Variants in FAT3 observed in about 807,000 individuals in gnomAD.
FAT3 encodes FAT atypical cadherin 3, also known as protocadherin Fat 3.
FAT3 carries 95 observed loss-of-function variants against 310.2 expected under a neutral mutation model. The observed-to-expected ratio is 0.31, with a 90% CI of 0.26 to 0.36. The LOEUF (loss-of-function observed/expected upper bound fraction) is 0.36. Among genes scored for constraint, FAT3 ranks in the 10% least tolerant of loss-of-function variants. The pLI is 1.00. For missense variants in FAT3, 5,408 were observed against 5,715.6 expected (o/e 0.95, Z 1.74); for synonymous variants, 2,314 against 2,192.9 (o/e 1.06, Z -1.54).
At chr11:92,696,977 G>A (rs1943960094) in intron 3 of FAT3, among the ~76,000 whole-genome samples, 1 of 152,196 alleles carries the variant, frequency 6.6e-6, no homozygotes, top group South Asian at 2.1e-4. Context: ...AAGTAAGAAA[G>A]TACTGTTTCA....
At chr11:92,791,084 A>T (rs1290689591) in intron 8 of FAT3, among the ~76,000 whole-genome samples, 2 of 152,158 alleles carry the variant, frequency 1.3e-5, no homozygotes, top group African/African-American at 4.8e-5. Context: ...TAAGACTAGA[A>T]ACCTTCCCCA....
chr11:92,586,934 G>C (rs374892281), intron 3 of FAT3, among the ~76,000 whole-genome samples: 1 of 151,970 alleles, frequency 6.6e-6, no homozygotes, highest in South Asian at 2.1e-4. Flanking sequence ...TAAGGGAAAG[G>C]TGCTTTTCTT....
chr11:92,562,164 C>T (rs893413594), intron 3 of FAT3, among the ~76,000 whole-genome samples: 1 of 152,134 alleles, frequency 6.6e-6, no homozygotes, highest in Non-Finnish European at 1.5e-5. Context: ...CAGTAACAAA[C>T]ATTCAGTTTT....
At chr11:92,474,214 C>T (rs1418989870) in intron 2 of FAT3, among the ~76,000 whole-genome samples, 1 of 152,134 alleles carries the variant, frequency 6.6e-6, no homozygotes, top group Non-Finnish European at 1.5e-5. Context: ...GCTCCTAGAC[C>T]AGCTAATAAG....
intron 3 of FAT3, among the ~76,000 whole-genome samples, chr11:92,564,485 G>C (rs1222274562): frequency 6.6e-6 from 1 of 151,176 alleles, no homozygotes; most frequent in Non-Finnish European, 1.5e-5. Context: ...CAACGAGACA[G>C]AAAGTCAACA....
intron 3 of FAT3, among the ~76,000 whole-genome samples, chr11:92,562,645 G>A (rs1184687898): frequency 1.3e-5 from 2 of 152,318 alleles, no homozygotes; most frequent in Admixed American, 6.5e-5. Flanking sequence ...GTGCAATTCA[G>A]TTAGAGTCAG....
At chr11:92,344,781 C>T (rs751475142) in intron 1 of FAT3, among the ~76,000 whole-genome samples, 1 of 152,048 alleles carries the variant, frequency 6.6e-6, no homozygotes, top group Non-Finnish European at 1.5e-5. Flanking sequence ...AAAACATAAA[C>T]GGTAACACAT....
At position 92,889,197 on chromosome 11, in the gene FAT3, G is replaced by A. The variant is rs1362941461; in HGVS notation, c.13060G>A (p.Val4354Met). The change falls in exon 26 of 28, where the codon GTG (valine) becomes ATG (methionine). Residue 4354 changes from valine (V) to methionine (M), a missense_variant. Val to Met is a conservative substitution (Grantham distance 21). Transcript: ENST00000525166. ...SDSGDDNASI[V>M]TVIQLVNNVV... ...CTTTTCCTGACCACAAGCCTCCATA[G>A]TGACTGTCATTCAGCTTGTCAACAA... 1.4e-6 allele frequency: 1 copy of A among 713,658 alleles called. No individual in the cohort carries two copies. The highest frequency in any genetic ancestry group is 2.6e-6 in the Non-Finnish European group (1 of 383,444). The allele number at this position is 713,658 out of a possible 1,614,324, so 44.2% of individuals were successfully genotyped here.
chr11:92,843,278 T>G (rs1565642585), intron 18 of FAT3, among the ~76,000 whole-genome samples: 1 of 152,166 alleles, frequency 6.6e-6, no homozygotes, highest in African/African-American at 2.4e-5. Flanking sequence ...CCCATGGGAA[T>G]CTGCCCTTCT....
At chr11:92,807,482 C>T (rs1256460044) in intron 12 of FAT3, among the ~76,000 whole-genome samples, 1 of 152,140 alleles carries the variant, frequency 6.6e-6, no homozygotes, top group African/African-American at 2.4e-5. Flanking sequence ...TTATTAGCAT[C>T]AAGTAAGCGG....
At chr11:92,550,392 T>A (rs1954768955) in intron 3 of FAT3, among the ~76,000 whole-genome samples, 1 of 152,232 alleles carries the variant, frequency 6.6e-6, no homozygotes, top group Non-Finnish European at 1.5e-5. Flanking sequence ...TGTAATTTAT[T>A]TTGCAGAGGA....
chr11:92,259,956 C>G (rs1865476054), intron 1 of FAT3, among the ~76,000 whole-genome samples: 1 of 152,116 alleles, frequency 6.6e-6, no homozygotes, highest in Admixed American at 6.6e-5. Context: ...AGTTTGCCCT[C>G]AAGTCTTTCA....
chr11:92,731,448 A>C (rs1415804863), intron 4 of FAT3, among the ~76,000 whole-genome samples: 1 of 152,134 alleles, frequency 6.6e-6, no homozygotes, highest in African/African-American at 2.4e-5. Context: ...CTAGATCAAC[A>C]CCACCCATCT....
At chr11:92,864,975 G>A (rs777082111) in intron 21 of FAT3, among the ~76,000 whole-genome samples, 1 of 152,220 alleles carries the variant, frequency 6.6e-6, no homozygotes, top group Non-Finnish European at 1.5e-5. Flanking sequence ...GGACAGAGTA[G>A]CCTTGTAAAA....
chr11:92,661,337 A>G (rs1397095549), intron 3 of FAT3, among the ~76,000 whole-genome samples: 1 of 152,228 alleles, frequency 6.6e-6, no homozygotes, highest in East Asian at 1.9e-4. Context: ...AGCCGACAGA[A>G]AGGTGTGTGG....
rs753374509 is a variant in FAT3 at position 92,799,431 on chromosome 11, A to G, written c.6418A>G (p.Ile2140Val). The G allele has an allele frequency of 1.2e-6, 2 of 1,613,618 alleles. No homozygotes were observed. Among genetic ancestry groups the G allele is most frequent in the Admixed American group, 3.3e-5 (2 of 59,988 alleles). Residue 2140 changes from isoleucine to valine, a missense_variant, in exon 10 of 28, where the codon ATT becomes GTT. Coordinates refer to ENST00000525166, the MANE Select transcript of FAT3 (RefSeq NM_001367949.2). ...FEINPNSGNV[I>V]LKEAFNSDLS... The stretch of plus-strand genomic sequence containing the variant: ...AATTAACCCTAATTCAGGGAATGTT[A>G]TTTTAAAGGAAGCATTCAACTCTGA...
intron 2 of FAT3, among the ~76,000 whole-genome samples, chr11:92,421,369 GA>G (rs1243927395): frequency 2.0e-5 from 3 of 152,276 alleles, no homozygotes; most frequent in African/African-American, 7.2e-5. Flanking sequence ...AATTAGAGAA[GA>G]TGTCTGGTTC....
chr11:92,751,935 A>G (rs1293940651), intron 4 of FAT3, among the ~76,000 whole-genome samples: 1 of 152,098 alleles, frequency 6.6e-6, no homozygotes, highest in Non-Finnish European at 1.5e-5. Context: ...AGAAATGGCA[A>G]TGCCTACAGG....
At chr11:92,518,568 G>A (rs1953572906) in intron 2 of FAT3, among the ~76,000 whole-genome samples, 2 of 151,844 alleles carry the variant, frequency 1.3e-5, no homozygotes, top group Non-Finnish European at 2.9e-5. Context: ...GTAGATGACA[G>A]GTTAATGGGT....
Sources: allele counts gnomAD v4.1 joint callset (sites outside exome capture counted in the v4.1 genomes callset), GRCh38; gene constraint gnomAD v4.1.1; transcripts MANE v1.5; gene names NCBI Gene and HGNC (gene_info 2026-07-23, HGNC 2026-07-21).